TMEM178B: variants seen among roughly 807,000 people sequenced by gnomAD.
The protein encoded by TMEM178B is transmembrane protein 178B.
Under a neutral mutation model 31.0 loss-of-function variants are expected in TMEM178B, and 5 were observed. That is an observed-to-expected ratio of 0.16 (90% CI 0.08 to 0.34). The LOEUF (loss-of-function observed/expected upper bound fraction) is 0.34, where lower values mean the gene tolerates loss of function less well. Ranked by LOEUF, TMEM178B falls within the 10% of genes least tolerant of loss-of-function variation. The probability of loss-of-function intolerance (pLI) is 1.00; values close to 1 mark genes in which losing one functional copy is unlikely to be tolerated. For missense variants in TMEM178B, 275 were observed against 400.3 expected (o/e 0.69, Z 2.67); for synonymous variants, 164 against 164.0 (o/e 1.00, Z 0.00).
At chr7:141,387,456 C>T (rs1800454603) in intron 2 of TMEM178B, among the ~76,000 whole-genome samples, 1 of 152,134 alleles carries the variant, frequency 6.6e-6, no homozygotes, top group Non-Finnish European at 1.5e-5. Flanking sequence ...CTTCTGAGCT[C>T]CTAGAGATCC....
chr7:141,235,486 C>G (rs1048964372), intron 2 of TMEM178B, among the ~76,000 whole-genome samples: 1 of 152,158 alleles, frequency 6.6e-6, no homozygotes, highest in African/African-American at 2.4e-5. Context: ...AGTTATTAAT[C>G]TAATCATGGA....
rs118075037 is a variant in TMEM178B, at chr7:141,427,555, C to A, written c.497-10053C>A. On this transcript the variant is annotated intron_variant, in intron 2 of 3. Transcript: ENST00000565468. The stretch of plus-strand genomic sequence containing the variant: ...CTCTCACCGTATTCAAAAATTAACT[C>A]AAAATGGATTAAAGACTTAAACATA... Among the ~76,000 whole-genome samples, 1,137 of 152,246 alleles carry A rather than the reference C, an allele frequency of 7.5e-3. 6 individuals carry two copies. Among genetic ancestry groups the A allele is most frequent in the Non-Finnish European group, 0.012 (829 of 68,022 alleles).
chr7:141,370,108 AC>A (rs1252288183), intron 2 of TMEM178B, among the ~76,000 whole-genome samples: 3 of 130,768 alleles, frequency 2.3e-5, no homozygotes, highest in Admixed American at 7.6e-5. Flanking sequence ...ACCGGGAGGA[AC>A]CCCCCAAGTG....
chr7:141,262,490 T>C (rs1205082526), intron 2 of TMEM178B, among the ~76,000 whole-genome samples: 2 of 146,866 alleles, frequency 1.4e-5, no homozygotes, highest in African/African-American at 5.0e-5. Flanking sequence ...TATATATATA[T>C]ATATATATAT....
At chr7:141,144,867 C>T (rs1263186997) in intron 1 of TMEM178B, among the ~76,000 whole-genome samples, 1 of 152,092 alleles carries the variant, frequency 6.6e-6, no homozygotes, top group Non-Finnish European at 1.5e-5. Flanking sequence ...ACAACACCGA[C>T]GTTGCTTTTT....
chr7:141,162,679 T>G (rs988715759), intron 1 of TMEM178B, among the ~76,000 whole-genome samples: 1 of 152,206 alleles, frequency 6.6e-6, no homozygotes, highest in Non-Finnish European at 1.5e-5. Flanking sequence ...TGGATTGAAT[T>G]TAGGCACAGC....
At chr7:141,176,242 T>G (rs1563108364) in intron 1 of TMEM178B, among the ~76,000 whole-genome samples, 1 of 152,214 alleles carries the variant, frequency 6.6e-6, no homozygotes, top group Non-Finnish European at 1.5e-5. Context: ...TTGGTTCTGT[T>G]TATGTGATGG....
At chr7:141,221,914 C>T (rs1797263436) in intron 2 of TMEM178B, among the ~76,000 whole-genome samples, 2 of 152,216 alleles carry the variant, frequency 1.3e-5, no homozygotes, top group South Asian at 4.1e-4. Flanking sequence ...AATGCAAATT[C>T]TTAGAGCCCA....
chr7:141,399,315 T>C (rs1347687413), intron 2 of TMEM178B, among the ~76,000 whole-genome samples: 5 of 152,216 alleles, frequency 3.3e-5, no homozygotes. Flanking sequence ...GTCCCTGACT[T>C]GGGTAACACT....
At chr7:141,438,976 A>G (rs1265181265) in intron 3 of TMEM178B, among the ~76,000 whole-genome samples, 3 of 152,144 alleles carry the variant, frequency 2.0e-5, no homozygotes, top group Admixed American at 2.0e-4. Context: ...AGGCACCTGT[A>G]GCAAACACCC....
intron 2 of TMEM178B, among the ~76,000 whole-genome samples, chr7:141,381,226 G>A (rs1800309424): frequency 6.6e-6 from 1 of 152,186 alleles, no homozygotes; most frequent in South Asian, 2.1e-4. Flanking sequence ...TAGTTAATAA[G>A]CAATAGCTTC....
At chr7:141,250,795 G>T (rs1797819177) in intron 2 of TMEM178B, among the ~76,000 whole-genome samples, 1 of 152,136 alleles carries the variant, frequency 6.6e-6, no homozygotes. Flanking sequence ...TGGAGCCCTG[G>T]CCAGCATGGC....
chr7:141,407,810 A>G (rs1800911445), intron 2 of TMEM178B, among the ~76,000 whole-genome samples: 1 of 152,240 alleles, frequency 6.6e-6, no homozygotes, highest in Non-Finnish European at 1.5e-5. Flanking sequence ...AATTTTATCT[A>G]GATTTTCACA....
At chr7:141,360,496 C>T (rs531035013) in intron 2 of TMEM178B, among the ~76,000 whole-genome samples, 2 of 152,284 alleles carry the variant, frequency 1.3e-5, no homozygotes, top group African/African-American at 2.4e-5. Context: ...CTTTTTTCCT[C>T]GCTCATTCCT....
At chr7:141,426,176 G>A (rs76960025) in intron 2 of TMEM178B, among the ~76,000 whole-genome samples, 5,404 of 152,244 alleles carry the variant, frequency 0.035, 137 homozygotes, top group Non-Finnish European at 0.054. Flanking sequence ...AAGTGGATCC[G>A]CTCTCCTCAC....
intron 1 of TMEM178B, among the ~76,000 whole-genome samples, chr7:141,206,062 C>T (rs1276868879): frequency 6.6e-6 from 1 of 152,162 alleles, no homozygotes; most frequent in African/African-American, 2.4e-5. Flanking sequence ...TTTCTGAGTT[C>T]CTGTGTTCAT....
chr7:141,273,845 T>G (rs1284108142), intron 2 of TMEM178B, among the ~76,000 whole-genome samples: 1 of 152,224 alleles, frequency 6.6e-6, no homozygotes, highest in Non-Finnish European at 1.5e-5. Context: ...CACTGCCTGT[T>G]GGGCATGTGG....
In TMEM178B at chr7:141,155,052, A is replaced by G. The variant is rs561358301; in HGVS notation, c.383-57539A>G. On this transcript the variant is annotated intron_variant, in intron 1 of 3. Coordinates refer to ENST00000565468, the MANE Select transcript of TMEM178B (RefSeq NM_001195278.2). ...GCCCAGCTGTTGATTTTTTCAGCTC[A>G]GGTTAGGAAAGGAGAAAACAGGTTG... Among the ~76,000 whole-genome samples the G allele has an allele frequency of 3.3e-5, 5 of 152,222 alleles. No homozygotes were observed. In the East Asian group the frequency reaches 7.8e-4, roughly 24 times the overall value.
chr7:141,370,518 T>C (rs1406875733), intron 2 of TMEM178B, among the ~76,000 whole-genome samples: 2 of 152,230 alleles, frequency 1.3e-5, no homozygotes, highest in Non-Finnish European at 2.9e-5. Context: ...TAAAGTGTTC[T>C]TGTACGGATA....
Sources: gnomAD v4.1 joint callset for allele counts (sites outside exome capture counted in the v4.1 genomes callset) on GRCh38, gnomAD v4.1.1 for gene constraint, MANE v1.5 for transcripts, NCBI Gene and HGNC (gene_info 2026-07-23, HGNC 2026-07-21) for gene names.